Variants in CDK2AP1 observed in about 807,000 individuals in gnomAD.
The protein encoded by CDK2AP1 is cyclin dependent kinase 2 associated protein 1, also known as cyclin-dependent kinase 2-associated protein 1.
A neutral mutation model predicts 14.1 loss-of-function variants in CDK2AP1; 10 were observed. The observed-to-expected ratio is 0.71, with a 90% CI of 0.44 to 1.20. The LOEUF (loss-of-function observed/expected upper bound fraction) is 1.20. CDK2AP1 is among the 50% of genes most tolerant of loss of function. The pLI, the probability that CDK2AP1 is intolerant of heterozygous loss-of-function variation, is 0.00. For synonymous variants in CDK2AP1, 59 were observed against 59.8 expected, an observed-to-expected ratio of 0.99 and a Z score of 0.06; for missense variants, 102 against 149.9, an observed-to-expected ratio of 0.68 and a Z score of 1.67.
intron 1 of CDK2AP1, among the ~76,000 whole-genome samples, 169 bp downstream of exon 1, chr12:123,271,395 T>C (rs2138827141): frequency 6.8e-6 from 1 of 146,246 alleles, no homozygotes; most frequent in Admixed American, 6.7e-5. Context: ...CAGAGAACTT[T>C]CGCGGCGCGG....
At chr12:123,268,245 G>A (rs1008902866) in intron 1 of CDK2AP1, 32 of 985,368 alleles carry the variant, frequency 3.2e-5, no homozygotes, top group Middle Eastern at 5.2e-4. Flanking sequence ...AGTGGGCGCC[G>A]CAGACTTGGC....
intron 1 of CDK2AP1, 129 bp from the exon 2 acceptor site, chr12:123,267,411 C>G: frequency 1.5e-6 from 1 of 666,468 alleles, no homozygotes; most frequent in Non-Finnish European, 2.8e-6. Flanking sequence ...GAACCCTGCT[C>G]TCCACCTCCG....
chr12:123,264,489 AAAG>A (rs1566003311), intron 3 of CDK2AP1, among the ~76,000 whole-genome samples: 20 of 110,294 alleles, frequency 1.8e-4, no homozygotes, highest in Middle Eastern at 4.7e-3. Context: ...AAAAAAAAAA[AAAG>A]AGCCCCAAGT....
chr12:123,268,379 A>C (rs1453916276), intron 1 of CDK2AP1: 3 of 240,888 alleles, frequency 1.2e-5, no homozygotes, highest in Non-Finnish European at 2.0e-5. Context: ...CGGGAGGAGC[A>C]CTGGAGAACC....
At chr12:123,268,686 G>A (rs1368256849) in intron 1 of CDK2AP1, among the ~76,000 whole-genome samples, 1 of 152,230 alleles carries the variant, frequency 6.6e-6, no homozygotes, top group African/African-American at 2.4e-5. Flanking sequence ...TGGGGATGAT[G>A]AGACACATGC....
intron 3 of CDK2AP1, 142 bp from the exon 4 acceptor site, chr12:123,261,945 C>T: frequency 1.5e-6 from 1 of 655,950 alleles, no homozygotes; most frequent in Non-Finnish European, 2.7e-6. Flanking sequence ...AAACCTATAA[C>T]CAAGCAACCC....
intron 1 of CDK2AP1, chr12:123,270,846 C>A (rs2048347327): frequency 1.0e-6 from 1 of 985,336 alleles, no homozygotes; most frequent in African/African-American, 1.7e-5. Flanking sequence ...CGGGCCCCAG[C>A]AGCCCCAGAG....
rs1230978683 is a variant in CDK2AP1, at chr12:123,265,286, C to T, written c.190G>A (p.Ala64Thr). The change falls in exon 3 of 4, where the codon GCG becomes ACG. Residue 64 changes from alanine to threonine, a missense_variant. Coordinates refer to ENST00000261692, the MANE Select transcript of CDK2AP1 (RefSeq NM_004642.4). This position sits in a 1 kb window ranked among gnomAD's most constrained non-coding sequence, Gnocchi z 5.3. ...TCTTCAATGATGGCCAGCAGCTCCG[C>T]GTATTTGCTTTGGGGCACCTGGCTG... The part of the protein sequence containing the change: ...GNSQVPQSKY[A>T]ELLAIIEELG... 2 of 1,614,106 alleles carry T rather than the reference C, an allele frequency of 1.2e-6. No individual in the cohort carries two copies. Among genetic ancestry groups the T allele is most frequent in the Non-Finnish European group, 1.7e-6 (2 of 1,179,996 alleles).
intron 1 of CDK2AP1, among the ~76,000 whole-genome samples, chr12:123,268,758 C>G (rs1013608972): frequency 6.6e-6 from 1 of 152,172 alleles, no homozygotes; most frequent in Non-Finnish European, 1.5e-5. Context: ...ACAACGCCCA[C>G]GATATCTGGC....
intron 1 of CDK2AP1, chr12:123,269,106 T>A (rs1300701310): frequency 1.3e-5 from 2 of 152,384 alleles, no homozygotes; most frequent in Non-Finnish European, 2.9e-5. Flanking sequence ...GCTCCTCACC[T>A]CCCCTTTTCT....
At chr12:123,269,887 G>C (rs564014689) in intron 1 of CDK2AP1, among the ~76,000 whole-genome samples, 1 of 152,162 alleles carries the variant, frequency 6.6e-6, no homozygotes, top group Non-Finnish European at 1.5e-5. Context: ...AGGGGCCCGT[G>C]GGGGGTTGGG....
Position 123,265,296 on chromosome 12 carries a change from T to C in CDK2AP1, c.180A>G (p.Gln60=). Residue 60 remains glutamine (Q), a synonymous_variant, in exon 3 of 4, where the codon CAA becomes CAG. Transcript: ENST00000261692. The surrounding 1 kb of genome is among the most constrained non-coding windows in gnomAD (Gnocchi z 5.3). The part of the protein sequence containing the change: ...TQGTGNSQVP[Q]SKYAELLAII... ...TGGCCAGCAGCTCCGCGTATTTGCT[T>C]TGGGGCACCTGGCTGTTCCCAGTTC... 3 of 1,614,104 alleles carry C rather than the reference T, an allele frequency of 1.9e-6. No homozygotes were observed. The highest frequency in any genetic ancestry group is 2.2e-5 in the East Asian group (1 of 44,866).
intron 3 of CDK2AP1, among the ~76,000 whole-genome samples, chr12:123,264,296 T>TA (rs2048264329): frequency 1.3e-5 from 2 of 151,302 alleles, no homozygotes; most frequent in South Asian, 4.2e-4. Context: ...CTGTCTCTAC[T>TA]AAAAATACAA....
At position 123,265,955 on chromosome 12, in the gene CDK2AP1, C is replaced by G. The variant is rs1286521800; in HGVS notation, c.154-633G>C. On this transcript the variant is annotated intron_variant, in intron 2 of 3. Transcript: ENST00000261692. This position sits in a 1 kb window ranked among gnomAD's most constrained non-coding sequence, Gnocchi z 5.3. Reference sequence around the variant, plus strand: ...GAGCCTGGAATGCATTCCCTTCTCTCATCCTCCCACCAACAGGGCCCAACC... The same window carrying G: ...GAGCCTGGAATGCATTCCCTTCTCTGATCCTCCCACCAACAGGGCCCAACC... 2.0e-5 allele frequency among the ~76,000 whole-genome samples: 3 copies of G among 152,034 alleles called. No individual in the cohort carries two copies. Among genetic ancestry groups the G allele is most frequent in the Non-Finnish European group, 2.9e-5 (2 of 67,978 alleles).
intron 3 of CDK2AP1, 54 bp from the exon 4 acceptor site, chr12:123,261,857 A>C: frequency 1.6e-6 from 2 of 1,234,764 alleles, no homozygotes; most frequent in Admixed American, 3.4e-5. Flanking sequence ...CAGCCAGCAA[A>C]GCCCATTCTG....
chr12:123,268,800 G>A (rs2138822139), intron 1 of CDK2AP1, among the ~76,000 whole-genome samples: 1 of 152,304 alleles, frequency 6.6e-6, no homozygotes, highest in South Asian at 2.1e-4. Context: ...ATTGGGCAGG[G>A]TGATGTCCCC....
chr12:123,262,943 G>T, intron 3 of CDK2AP1, among the ~76,000 whole-genome samples: 1 of 151,892 alleles, frequency 6.6e-6, no homozygotes. Context: ...GCCTGTCGCG[G>T]TGGCTCACAC....
chr12:123,270,124 C>T, intron 1 of CDK2AP1: 2 of 703,526 alleles, frequency 2.8e-6, no homozygotes, highest in Non-Finnish European at 3.5e-6. Flanking sequence ...GCTGGCAACA[C>T]CAGCCCCTGC....
chr12:123,262,401 C>T (rs994148006), intron 3 of CDK2AP1: 1 of 152,108 alleles, frequency 6.6e-6, no homozygotes, highest in Admixed American at 6.6e-5. Flanking sequence ...TTTTAATAGA[C>T]ACTAAGGATT....
Sources: gnomAD v4.1 joint callset for allele counts (sites outside exome capture counted in the v4.1 genomes callset) on GRCh38, gnomAD v4.1.1 for gene constraint, Gnocchi (gnomAD v3.1) non-coding constraint, MANE v1.5 for transcripts, NCBI Gene and HGNC (gene_info 2026-07-23, HGNC 2026-07-21) for gene names.